The following COL21A1 variants were observed in gnomAD, a reference collection of about 807,000 sequenced individuals.
COL21A1 encodes collagen type XXI alpha 1 chain.
Under a neutral mutation model 137.9 loss-of-function variants are expected in COL21A1, and 149 were observed. That is an observed-to-expected ratio of 1.08 (90% CI 0.95 to 1.24). The LOEUF is 1.24. Among genes scored for constraint, COL21A1 ranks in the 50% most tolerant of loss-of-function variants. The probability of loss-of-function intolerance (pLI) is 0.00; values close to 1 mark genes in which losing one functional copy is unlikely to be tolerated. For missense variants in COL21A1, 1,167 were observed against 1,158.4 expected, an observed-to-expected ratio of 1.01 and a Z score of -0.11; for synonymous variants, 456 against 391.5, an observed-to-expected ratio of 1.16 and a Z score of -1.95.
chr6:56,187,409 AG>A (rs1195293305), intron 1 of COL21A1, among the ~76,000 whole-genome samples: 1 of 152,188 alleles, frequency 6.6e-6, no homozygotes, highest in African/African-American at 2.4e-5. Flanking sequence ...TGAGTTTCAG[AG>A]GGGGCAAACA....
In COL21A1 at chr6:56,206,697, A is replaced by AATATATATAT. The variant is rs1204449084; in HGVS notation, c.-38-24051_-38-24042dup. 4.6e-3 allele frequency among the ~76,000 whole-genome samples: 148 copies of AATATATATAT among 32,034 alleles called. 1 individual carries two copies. Among genetic ancestry groups the AATATATATAT allele is most frequent in the Middle Eastern group, 0.026 (1 of 38 alleles). 21.0% of individuals were successfully genotyped at this position (32,034 alleles called of 152,430 possible). ...ATTCAACAAAATAAATAAATAAATA[A>AATATATATAT]ATATATATATATATATATATATATA... On this transcript the variant is annotated intron_variant, in intron 1 of 29. Transcript: ENST00000244728.
chr6:56,292,513 GC>G (rs899018829), intron 1 of COL21A1, among the ~76,000 whole-genome samples: 1 of 151,236 alleles, frequency 6.6e-6, no homozygotes, highest in African/African-American at 2.4e-5. Context: ...CCATGCAGGT[GC>G]CTCAGCCTCT....
At chr6:56,249,355 T>A (rs1288637516), upstream of COL21A1, among the ~76,000 whole-genome samples, 1 of 152,186 alleles carries the variant, frequency 6.6e-6, no homozygotes, top group African/African-American at 2.4e-5. Flanking sequence ...CCTGACAAAT[T>A]CATTCTTCAG....
intron 1 of COL21A1, among the ~76,000 whole-genome samples, chr6:56,385,016 A>G (rs2094015192): frequency 6.6e-6 from 1 of 152,236 alleles, no homozygotes; most frequent in African/African-American, 2.4e-5. Context: ...GGAGAGGAGC[A>G]GTCTCAACTG....
intron 1 of COL21A1, among the ~76,000 whole-genome samples, chr6:56,307,105 C>T (rs1285057378): frequency 4.6e-5 from 7 of 152,178 alleles, no homozygotes; most frequent in Non-Finnish European, 7.3e-5. Flanking sequence ...GAGAAGTACC[C>T]GGCCGTGTGA....
intron 1 of COL21A1, among the ~76,000 whole-genome samples, chr6:56,267,265 C>T (rs948109572): frequency 2.6e-5 from 4 of 152,188 alleles, no homozygotes; most frequent in African/African-American, 9.7e-5. Context: ...ATCAAACCTG[C>T]TTCCTCTTCC....
chr6:56,115,796 AATTAT>A (rs1280977177), intron 16 of COL21A1, among the ~76,000 whole-genome samples: 8 of 152,188 alleles, frequency 5.3e-5, no homozygotes, highest in Non-Finnish European at 1.2e-4. Context: ...AGGAATTCAG[AATTAT>A]ATTAGATAAA....
chr6:56,081,504 G>C (rs1256024413), intron 17 of COL21A1, among the ~76,000 whole-genome samples: 2 of 151,704 alleles, frequency 1.3e-5, no homozygotes, highest in African/African-American at 4.8e-5. Context: ...ATGACCAAGA[G>C]TATTAAATAT....
intron 1 of COL21A1, among the ~76,000 whole-genome samples, chr6:56,281,017 T>TA (rs1415496378): frequency 7.1e-6 from 1 of 140,928 alleles, no homozygotes; most frequent in Non-Finnish European, 1.5e-5. Context: ...AAAATAAAGA[T>TA]AAAAAAAGTA....
intron 1 of COL21A1, among the ~76,000 whole-genome samples, chr6:56,284,089 C>A (rs1763848200): frequency 6.6e-6 from 1 of 152,092 alleles, no homozygotes; most frequent in Non-Finnish European, 1.5e-5. Context: ...GCTCTGTCAC[C>A]CAGGCTGTAG....
chr6:56,182,693 T>A, intron 1 of COL21A1, 37 bp from the exon 2 acceptor site: 1 of 885,184 alleles, frequency 1.1e-6, no homozygotes, highest in Non-Finnish European at 1.8e-6. Context: ...ATATATTAAT[T>A]AAAGTCAACA....
intron 12 of COL21A1, among the ~76,000 whole-genome samples, chr6:56,140,401 T>C (rs574092714): frequency 6.6e-6 from 1 of 152,282 alleles, no homozygotes; most frequent in Non-Finnish European, 1.5e-5. Context: ...TAATTTCAAT[T>C]ATCTTAAGTG....
At chr6:56,260,696 G>GAAGTAAGT (rs1171498184) in intron 1 of COL21A1, among the ~76,000 whole-genome samples, 6 of 45,662 alleles carry the variant, frequency 1.3e-4, no homozygotes, top group Non-Finnish European at 1.7e-4. Flanking sequence ...AGGAAGGCAG[G>GAAGTAAGT]CAGGCAGGCA....
chr6:56,352,786 T>C (rs1765740288), intron 1 of COL21A1, among the ~76,000 whole-genome samples: 1 of 152,138 alleles, frequency 6.6e-6, no homozygotes, highest in Non-Finnish European at 1.5e-5. Flanking sequence ...ACACCTGTAA[T>C]CCCAGCACTT....
chr6:56,177,565 G>A (rs1000442472), intron 3 of COL21A1, among the ~76,000 whole-genome samples: 5 of 152,002 alleles, frequency 3.3e-5, no homozygotes, highest in Non-Finnish European at 7.4e-5. Flanking sequence ...AGGCTGAGGC[G>A]GGCGGATCAT....
intron 17 of COL21A1, among the ~76,000 whole-genome samples, chr6:56,099,450 A>T (rs1426608243): frequency 6.6e-6 from 1 of 151,416 alleles, no homozygotes; most frequent in Non-Finnish European, 1.5e-5. Context: ...GTTAGCCAGG[A>T]TGGTCTCGAT....
At chr6:56,148,368 G>GAGAGAGAAAA in intron 10 of COL21A1, among the ~76,000 whole-genome samples, 3 of 150,234 alleles carry the variant, frequency 2.0e-5, no homozygotes, top group African/African-American at 7.4e-5. Context: ...GAGAGAGAGA[G>GAGAGAGAAAA]AAACACATAA....
chr6:56,255,099 A>C (rs1267917294), intron 1 of COL21A1, among the ~76,000 whole-genome samples: 1 of 152,188 alleles, frequency 6.6e-6, no homozygotes, highest in Non-Finnish European at 1.5e-5. Flanking sequence ...TGTCATATGA[A>C]AAATTAGGAT....
intron 1 of COL21A1, among the ~76,000 whole-genome samples, chr6:56,305,779 G>T (rs550336219): frequency 9.1e-4 from 138 of 151,674 alleles, no homozygotes; most frequent in African/African-American, 3.2e-3. Context: ...CTGTCATTAT[G>T]ATGTTAGCTG....
Sources: gnomAD v4.1 joint callset for allele counts (sites outside exome capture counted in the v4.1 genomes callset) on GRCh38, gnomAD v4.1.1 for gene constraint, MANE v1.5 for transcripts, NCBI Gene and HGNC (gene_info 2026-07-23, HGNC 2026-07-21) for gene names.